The following AUH variants were observed in gnomAD, a reference collection of about 807,000 sequenced individuals.
AUH encodes the protein methylglutaconyl-CoA hydratase, mitochondrial.
A neutral mutation model predicts 42.3 loss-of-function variants in AUH; 29 were observed. That is an observed-to-expected ratio of 0.69 (90% CI 0.51 to 0.93). The LOEUF (loss-of-function observed/expected upper bound fraction) is 0.93, where lower values mean the gene tolerates loss of function less well. AUH is among the 40% of genes least tolerant of loss of function. The pLI is 0.00. For synonymous variants in AUH, 174 were observed against 166.4 expected (o/e 1.05, Z -0.35); for missense variants, 452 against 438.1 (o/e 1.03, Z -0.28).
chr9:91,361,516 G>T, intron 1 of AUH, 112 bp downstream of exon 1: 1 of 1,434,112 alleles, frequency 7.0e-7, no homozygotes, highest in Non-Finnish European at 9.3e-7. Flanking sequence ...CAGGTTCGGT[G>T]CGCCTGCCTG....
chr9:91,281,737 C>A (rs1277503091), intron 6 of AUH, among the ~76,000 whole-genome samples: 1 of 152,166 alleles, frequency 6.6e-6, no homozygotes, highest in Non-Finnish European at 1.5e-5. Context: ...TCTAGTCTAT[C>A]AAGAGATTCT....
intron 1 of AUH, among the ~76,000 whole-genome samples, chr9:91,358,068 T>C (rs974332580): frequency 4.6e-5 from 7 of 152,032 alleles, no homozygotes; most frequent in African/African-American, 9.7e-5. Flanking sequence ...TTGGCTGAGA[T>C]TGGTGGTGGT....
At chr9:91,289,649 ACTT>A (rs1826695045) in intron 6 of AUH, among the ~76,000 whole-genome samples, 1 of 152,254 alleles carries the variant, frequency 6.6e-6, no homozygotes, top group Non-Finnish European at 1.5e-5. Context: ...CTCAGAGATC[ACTT>A]TAGGCATGGC....
At chr9:91,311,365 A>G (rs191878839) in intron 4 of AUH, among the ~76,000 whole-genome samples, 1 of 152,260 alleles carries the variant, frequency 6.6e-6, no homozygotes, top group East Asian at 1.9e-4. Context: ...AAGCTTTTGC[A>G]ATTTTATTTC....
intron 6 of AUH, among the ~76,000 whole-genome samples, chr9:91,222,509 TTA>T (rs1827189864): frequency 1.3e-5 from 2 of 152,350 alleles, no homozygotes; most frequent in African/African-American, 4.8e-5. Context: ...GATGGTGAGT[TTA>T]TATAAGTGTT....
At chr9:91,258,481 C>T (rs59056742) in intron 6 of AUH, among the ~76,000 whole-genome samples, 3,920 of 152,220 alleles carry the variant, frequency 0.026, 110 homozygotes, top group African/African-American at 0.071. Context: ...GTGATCCACC[C>T]GCCATGGCCT....
At chr9:91,351,748 G>A (rs1832005585) in intron 3 of AUH, among the ~76,000 whole-genome samples, 1 of 152,164 alleles carries the variant, frequency 6.6e-6, no homozygotes, top group African/African-American at 2.4e-5. Flanking sequence ...CGCATGCGAG[G>A]GATCTAGGTT....
chr9:91,258,098 T>G (rs1334282550), intron 6 of AUH, among the ~76,000 whole-genome samples: 2 of 152,266 alleles, frequency 1.3e-5, no homozygotes, highest in Non-Finnish European at 2.9e-5. Flanking sequence ...TATTTTGAAC[T>G]TGTATCCAAT....
chr9:91,266,729 CTTT>C (rs1829996914), intron 6 of AUH, among the ~76,000 whole-genome samples: 1 of 152,190 alleles, frequency 6.6e-6, no homozygotes, highest in South Asian at 2.1e-4. Flanking sequence ...CAGTACTCTT[CTTT>C]AACAAGTAAT....
chr9:91,354,383 A>T (rs1040033877), intron 3 of AUH, among the ~76,000 whole-genome samples: 1 of 152,228 alleles, frequency 6.6e-6, no homozygotes, highest in Admixed American at 6.5e-5. Context: ...AAATAGATTA[A>T]ATTAACTTGT....
intron 6 of AUH, among the ~76,000 whole-genome samples, chr9:91,277,818 T>C (rs1279673120): frequency 6.6e-6 from 1 of 152,216 alleles, no homozygotes; most frequent in Non-Finnish European, 1.5e-5. Context: ...AATCAGACAT[T>C]ATTAGTGTTT....
chr9:91,337,848 T>G (rs1318555121), intron 3 of AUH, among the ~76,000 whole-genome samples: 1 of 152,178 alleles, frequency 6.6e-6, no homozygotes, highest in African/African-American at 2.4e-5. Flanking sequence ...GATATAAAAT[T>G]AGCTCTAATG....
At chr9:91,343,271 C>T (rs1478153638) in intron 3 of AUH, 2 of 152,068 alleles carry the variant, frequency 1.3e-5, no homozygotes, top group African/African-American at 4.8e-5. Flanking sequence ...GTTATCTAAA[C>T]TTCCACCTTA....
chr9:91,234,937 T>C (rs1229744992), intron 6 of AUH, among the ~76,000 whole-genome samples: 1 of 150,640 alleles, frequency 6.6e-6, no homozygotes, highest in Non-Finnish European at 1.5e-5. Flanking sequence ...GACATCCAAA[T>C]GAAGATCAGG....
intron 6 of AUH, among the ~76,000 whole-genome samples, chr9:91,249,292 C>CAAAAAAAAAAAAAAAAA (rs59102669): frequency 1.8e-4 from 6 of 32,534 alleles, no homozygotes; most frequent in Non-Finnish European, 3.6e-4. Context: ...GAACCTGTCT[C>CAAAAAAAAAAAAAAAAA]AAAAAAAAAA....
chr9:91,264,003 C>T (rs1304319047), intron 6 of AUH, among the ~76,000 whole-genome samples: 1 of 152,142 alleles, frequency 6.6e-6, no homozygotes, highest in Non-Finnish European at 1.5e-5. Context: ...CTTCCACAAC[C>T]CACCTTAGGT....
intron 4 of AUH, among the ~76,000 whole-genome samples, chr9:91,321,946 C>T (rs552582200): frequency 1.3e-5 from 2 of 152,246 alleles, no homozygotes; most frequent in Admixed American, 6.5e-5. Flanking sequence ...TACTATATGA[C>T]CCTTCAAGAT....
chr9:91,353,409 T>A lies in AUH; in HGVS notation c.418+2474A>T, dbSNP rs186355558. ...AGAGGTTTCTTTTAATATTACTACT[T>A]TGGAGTACAAATTAAAGCTTTAATT... On this transcript the variant is annotated intron_variant, in intron 3 of 9. Transcript: ENST00000375731. Among the ~76,000 whole-genome samples, 674 of 152,208 alleles carry A rather than the reference T, an allele frequency of 4.4e-3. 18 individuals are homozygous for A. Among genetic ancestry groups the A allele is most frequent in the Admixed American group, 0.041 (630 of 15,268 alleles).
At chr9:91,257,595 TCA>T (rs1829474993) in intron 6 of AUH, among the ~76,000 whole-genome samples, 1 of 152,206 alleles carries the variant, frequency 6.6e-6, no homozygotes, top group South Asian at 2.1e-4. Flanking sequence ...GGGTCCCTCA[TCA>T]TATATGTATG....
Sources: gnomAD v4.1 joint callset for allele counts (sites outside exome capture counted in the v4.1 genomes callset) on GRCh38, gnomAD v4.1.1 for gene constraint, MANE v1.5 for transcripts, NCBI Gene and HGNC (gene_info 2026-07-23, HGNC 2026-07-21) for gene names.